IGSF11: variants seen among roughly 807,000 people sequenced by gnomAD.
IGSF11 encodes immunoglobulin superfamily member 11.
IGSF11 carries 22 observed loss-of-function variants against 41.0 expected under a neutral mutation model. The ratio of observed to expected loss-of-function variants is 0.54; its 90% confidence interval spans 0.38 to 0.77. The LOEUF (loss-of-function observed/expected upper bound fraction) is 0.77. Ranked by LOEUF, IGSF11 falls within the 30% of genes least tolerant of loss-of-function variation. The probability of loss-of-function intolerance (pLI) is 0.00; values close to 1 mark genes in which losing one functional copy is unlikely to be tolerated. For missense variants in IGSF11, 444 were observed against 530.8 expected (o/e 0.84, Z 1.61); for synonymous variants, 219 against 201.3 (o/e 1.09, Z -0.74).
intron 1 of IGSF11, among the ~76,000 whole-genome samples, chr3:119,041,277 A>G (rs936763108): frequency 6.6e-6 from 1 of 152,214 alleles, no homozygotes; most frequent in African/African-American, 2.4e-5. Flanking sequence ...AGAGACCTCA[A>G]ATAATATCAG....
At chr3:118,966,472 C>T (rs910709676) in intron 1 of IGSF11, among the ~76,000 whole-genome samples, 5 of 152,208 alleles carry the variant, frequency 3.3e-5, no homozygotes, top group Admixed American at 3.3e-4. Context: ...TCTACATAAG[C>T]TAAATATCAG....
At chr3:119,133,727 A>G (rs892133783) in intron 1 of IGSF11, among the ~76,000 whole-genome samples, 32 of 152,260 alleles carry the variant, frequency 2.1e-4, no homozygotes, top group African/African-American at 5.5e-4. Flanking sequence ...TTATGAGGCC[A>G]GCATCATCCT....
intron 1 of IGSF11, among the ~76,000 whole-genome samples, chr3:119,060,095 A>G (rs531745131): frequency 1.2e-4 from 18 of 152,096 alleles, no homozygotes; most frequent in African/African-American, 4.3e-4. Context: ...GTTGCTGCTT[A>G]TTTTCTAATC....
At chr3:119,082,948 A>T (rs1028915090) in intron 1 of IGSF11, among the ~76,000 whole-genome samples, 1 of 152,208 alleles carries the variant, frequency 6.6e-6, no homozygotes, top group Non-Finnish European at 1.5e-5. Context: ...AGTAAAGATT[A>T]TACAGACTTA....
chr3:118,958,807 A>G lies in IGSF11; in HGVS notation c.53-28532T>C, dbSNP rs889169007. Among the ~76,000 whole-genome samples, 4 of 152,230 alleles carry G rather than the reference A, an allele frequency of 2.6e-5. 1 individual carries two copies. Among genetic ancestry groups the G allele is most frequent in the East Asian group, 1.9e-4 (1 of 5,202 alleles). On this transcript the variant is annotated intron_variant, in intron 1 of 6. Coordinates refer to ENST00000393775, the MANE Select transcript of IGSF11 (RefSeq NM_001015887.3). ...TCACCAAACACATTATTATAATAAC[A>G]CGATGAAACAGAAGTATAGACAAAC...
intron 1 of IGSF11, among the ~76,000 whole-genome samples, chr3:119,011,415 C>T (rs1221579860): frequency 6.6e-6 from 1 of 152,136 alleles, no homozygotes; most frequent in Non-Finnish European, 1.5e-5. Flanking sequence ...ACCCCTGAAG[C>T]ACATGTGCAT....
chr3:119,098,344 G>T (rs1174200055), intron 1 of IGSF11, among the ~76,000 whole-genome samples: 2 of 152,120 alleles, frequency 1.3e-5, no homozygotes, highest in African/African-American at 4.8e-5. Context: ...AACACTTAGA[G>T]CAGTGCCTAA....
At chr3:118,970,774 T>C (rs1237696720) in intron 1 of IGSF11, among the ~76,000 whole-genome samples, 1 of 150,434 alleles carries the variant, frequency 6.6e-6, no homozygotes, top group African/African-American at 2.4e-5. Context: ...AAACCACAAC[T>C]AATTTTAAAA....
Position 119,064,308 on chromosome 3 carries a change from T to C in IGSF11, c.49+40836A>G, listed in dbSNP as rs572860879. On this transcript the variant is annotated intron_variant, in intron 1 of 6. Transcript: ENST00000354673. ...AGCATCATTTGTTTAAAAAGGCTTT[T>C]TAAAACAACTGCAGCATAGCCTTTG... Among the ~76,000 whole-genome samples, 25 of 152,300 alleles carry C rather than the reference T, an allele frequency of 1.6e-4. 1 individual carries two copies. In the South Asian group the frequency reaches 5.0e-3, roughly 30 times the overall value.
At chr3:119,133,196 A>C (rs747013243) in intron 1 of IGSF11, among the ~76,000 whole-genome samples, 11 of 152,212 alleles carry the variant, frequency 7.2e-5, no homozygotes, top group Non-Finnish European at 1.3e-4. Context: ...AGCTAGCAAA[A>C]GGTAAAAAAT....
intron 1 of IGSF11, among the ~76,000 whole-genome samples, chr3:118,975,905 T>C (rs1228962786): frequency 6.6e-6 from 1 of 152,116 alleles, no homozygotes; most frequent in Non-Finnish European, 1.5e-5. Context: ...AAAAACTACC[T>C]ATTGAGTACT....
intron 1 of IGSF11, among the ~76,000 whole-genome samples, chr3:119,004,837 A>G (rs992048683): frequency 6.6e-6 from 1 of 151,990 alleles, no homozygotes; most frequent in African/African-American, 2.4e-5. Flanking sequence ...ATAGTTTGTT[A>G]TAATTTCTGT....
intron 1 of IGSF11, among the ~76,000 whole-genome samples, chr3:119,124,734 A>G (rs902832006): frequency 5.9e-5 from 9 of 152,186 alleles, no homozygotes; most frequent in African/African-American, 2.2e-4. Flanking sequence ...AGAGAAAGAC[A>G]TAGGCATAGA....
chr3:118,986,359 T>A (rs991769205), intron 1 of IGSF11, among the ~76,000 whole-genome samples: 32 of 152,326 alleles, frequency 2.1e-4, no homozygotes, highest in African/African-American at 7.5e-4. Context: ...CCTTCTCCAC[T>A]CACAGTGCCT....
intron 1 of IGSF11, 76 bp downstream of exon 1, chr3:119,034,455 C>A: frequency 1.5e-6 from 2 of 1,333,178 alleles, no homozygotes; most frequent in African/African-American, 1.5e-5. Context: ...GGCTCTTTGC[C>A]GTCCCCAAAC....
intron 1 of IGSF11, among the ~76,000 whole-genome samples, chr3:119,121,286 AG>A (rs2077330774): frequency 6.6e-6 from 1 of 152,206 alleles, no homozygotes; most frequent in Non-Finnish European, 1.5e-5. Context: ...GTGTCCAAAG[AG>A]GTAAAGGAAC....
At chr3:118,924,525 TAATC>T (rs941154118) in intron 4 of IGSF11, among the ~76,000 whole-genome samples, 1 of 152,162 alleles carries the variant, frequency 6.6e-6, no homozygotes, top group Non-Finnish European at 1.5e-5. Context: ...GTAACTTTGA[TAATC>T]AATCCAGATT....
At position 119,051,003 on chromosome 3, in the gene IGSF11, G is replaced by C. The variant is rs1941601036; in HGVS notation, c.49+54141C>G. On this transcript the variant is annotated intron_variant, in intron 1 of 6. Coordinates refer to the IGSF11 transcript ENST00000354673. Reference sequence around the variant, plus strand: ...ACACTCTGGGGAGTGTTGTGGGTTGGGGGGAGGGGGGAGGGATGGCATTGG... The same window carrying C: ...ACACTCTGGGGAGTGTTGTGGGTTGCGGGGAGGGGGGAGGGATGGCATTGG... Among the ~76,000 whole-genome samples the C allele has an allele frequency of 1.4e-5, 2 of 146,992 alleles. 1 individual carries two copies. Among genetic ancestry groups the C allele is most frequent in the African/African-American group, 5.0e-5 (2 of 39,842 alleles).
rs149729117 is a variant in IGSF11 at position 119,129,476 on chromosome 3, A to T, written c.-14+16337T>A. Among the ~76,000 whole-genome samples the T allele has an allele frequency of 4.5e-4, 68 of 152,258 alleles. No homozygotes were observed. In the East Asian group the frequency reaches 0.012, roughly 27 times the overall value. ...AAATATGAGCCATTTGAAAATAATA[A>T]TTTTTCAAAAAATAGTACTATAAGA... is the stretch of plus-strand genomic sequence containing the variant. On this transcript the variant is annotated intron_variant, in intron 1 of 7. Coordinates refer to the IGSF11 transcript ENST00000425327.
Sources: gnomAD v4.1 joint callset for allele counts (sites outside exome capture counted in the v4.1 genomes callset) on GRCh38, gnomAD v4.1.1 for gene constraint, MANE v1.5 for transcripts, NCBI Gene and HGNC (gene_info 2026-07-23, HGNC 2026-07-21) for gene names.